Variants in NUP210L observed in about 807,000 individuals in gnomAD.
The protein encoded by NUP210L is nuclear pore membrane glycoprotein 210-like.
A neutral mutation model predicts 208.5 loss-of-function variants in NUP210L; 74 were observed. The ratio of observed to expected loss-of-function variants is 0.35; its 90% CI spans 0.29 to 0.43. The LOEUF (loss-of-function observed/expected upper bound fraction) is 0.43, where lower values mean the gene tolerates loss of function less well. Among genes scored for constraint, NUP210L ranks in the 20% least tolerant of loss-of-function variants. The probability of loss-of-function intolerance (pLI) is 1.00; values close to 1 mark genes in which losing one functional copy is unlikely to be tolerated. For synonymous variants in NUP210L, 780 were observed against 816.9 expected (o/e 0.95, Z 0.77); for missense variants, 1,843 against 2,289.4 (o/e 0.81, Z 3.98).
intron 16 of NUP210L, chr1:154,080,019 G>GA (rs750004671): frequency 1.3e-5 from 2 of 152,100 alleles, no homozygotes; most frequent in Non-Finnish European, 2.9e-5. Flanking sequence ...TATAGTAAAA[G>GA]AAAAAATAAA....
At chr1:154,072,104 T>C (rs1571237919) in intron 16 of NUP210L, among the ~76,000 whole-genome samples, 1 of 151,976 alleles carries the variant, frequency 6.6e-6, no homozygotes, top group East Asian at 1.9e-4. Flanking sequence ...GCAAGTATCT[T>C]TTTCATATAA....
At chr1:154,104,285 C>A in intron 12 of NUP210L, 75 bp from the exon 13 acceptor site, 1 of 1,121,356 alleles carries the variant, frequency 8.9e-7, no homozygotes, top group Non-Finnish European at 1.3e-6. Context: ...GCAAGATGGC[C>A]AAATAGAACC....
intron 15 of NUP210L, among the ~76,000 whole-genome samples, chr1:154,092,233 G>T (rs975937829): frequency 1.4e-5 from 2 of 147,122 alleles, no homozygotes; most frequent in African/African-American, 5.0e-5. Flanking sequence ...GCGCCACCAC[G>T]CCTGGCTAAT....
At chr1:154,139,708 G>T in intron 5 of NUP210L, 94 bp downstream of exon 5, 2 of 878,352 alleles carry the variant, frequency 2.3e-6, no homozygotes, top group Non-Finnish European at 1.8e-6. Flanking sequence ...AAAAAACAGG[G>T]CGGGTAGTGC....
At chr1:154,035,267 C>G (rs944647474) in intron 27 of NUP210L, among the ~76,000 whole-genome samples, 4 of 151,916 alleles carry the variant, frequency 2.6e-5, no homozygotes, top group Non-Finnish European at 5.9e-5. Context: ...CTTTTGTATT[C>G]TTTTTCATTT....
chr1:154,070,732 T>C (rs1654668870), intron 16 of NUP210L, among the ~76,000 whole-genome samples: 1 of 152,180 alleles, frequency 6.6e-6, no homozygotes, highest in South Asian at 2.1e-4. Flanking sequence ...GTTATTTTGT[T>C]TTGTTGATGT....
In NUP210L at chr1:154,046,387, G is replaced by A. The variant is rs1378376491; in HGVS notation, c.3484-18C>T. On this transcript the variant is annotated intron_variant, in intron 25 of 39. Coordinates refer to ENST00000368559, the Ensembl canonical transcript of NUP210L. ...ACTTCATCCTGCTCAACAGGGTGGA[G>A]AGCAAGCTTAGGCTAAGAGGGAGTT... is the stretch of plus-strand genomic sequence containing the variant. 3.1e-6 allele frequency: 5 copies of A among 1,608,566 alleles called. No individual in the cohort carries two copies. The highest frequency in any genetic ancestry group is 4.3e-6 in the Non-Finnish European group (5 of 1,175,424).
intron 16 of NUP210L, among the ~76,000 whole-genome samples, chr1:154,081,081 G>A (rs1443325543): frequency 1.3e-5 from 2 of 151,720 alleles, no homozygotes; most frequent in African/African-American, 2.4e-5. Context: ...TAGCAAAATG[G>A]CAGACATAAT....
chr1:154,022,232 C>A (rs779842155), exon 32 of NUP210L: 2 of 1,614,124 alleles, frequency 1.2e-6, no homozygotes, highest in Non-Finnish European at 1.7e-6. Context: ...TATAATCTGC[C>A]ATGCCTGGAT....
rs776326323 is a variant in NUP210L at position 153,995,057 on chromosome 1, T to C, written c.5491+19A>G. On this transcript the variant is annotated intron_variant, in intron 38 of 39. Transcript: ENST00000368559. ...AGTTTTCATGTCAAAGTCTATGTTATTGAATATAAGGACTCTACCTAGGAA... is the reference window on the plus strand; with the variant it reads ...AGTTTTCATGTCAAAGTCTATGTTACTGAATATAAGGACTCTACCTAGGAA... 55 of 1,482,944 alleles carry C rather than the reference T, an allele frequency of 3.7e-5. No homozygotes were observed. The highest frequency in any genetic ancestry group is 1.3e-4 in the South Asian group (11 of 83,762). The allele number at this position is 1,482,944 out of a possible 1,614,324, so 91.9% of individuals were successfully genotyped here.
intron 27 of NUP210L, among the ~76,000 whole-genome samples, chr1:154,035,985 G>A (rs924292611): frequency 2.0e-5 from 3 of 150,082 alleles, no homozygotes; most frequent in Non-Finnish European, 3.0e-5. Context: ...CACCGGCCTC[G>A]GCCTCCCAAA....
At chr1:154,063,739 A>G (rs1310459318) in intron 17 of NUP210L, among the ~76,000 whole-genome samples, 1 of 152,140 alleles carries the variant, frequency 6.6e-6, no homozygotes, top group East Asian at 1.9e-4. Context: ...AAAAGTGTAT[A>G]AAGTAGTTAG....
At chr1:154,078,303 C>CAA (rs377457949) in intron 16 of NUP210L, among the ~76,000 whole-genome samples, 1 of 147,468 alleles carries the variant, frequency 6.8e-6, no homozygotes, top group African/African-American at 2.5e-5. Context: ...ATCCTATCTC[C>CAA]AAAAAAAAAG....
intron 11 of NUP210L, 70 bp downstream of exon 11, chr1:154,118,601 C>A: frequency 1.8e-6 from 2 of 1,127,368 alleles, no homozygotes; most frequent in South Asian, 5.7e-5. Flanking sequence ...TAACATTAAT[C>A]AAATTTCAAT....
intron 4 of NUP210L, 147 bp from the exon 5 acceptor site, chr1:154,140,099 C>G: frequency 6.3e-6 from 4 of 636,034 alleles, no homozygotes. Context: ...GCCTGTAATC[C>G]TAGCACTTTG....
chr1:154,143,342 TTCTAA>T, intron 3 of NUP210L, 99 bp downstream of exon 3: 1 of 883,390 alleles, frequency 1.1e-6, no homozygotes, highest in Non-Finnish European at 1.8e-6. Context: ...TAGATATTAC[TTCTAA>T]TCTACTTTTG....
chr1:154,026,150 G>T (rs375903661), intron 29 of NUP210L, among the ~76,000 whole-genome samples: 1 of 151,900 alleles, frequency 6.6e-6, no homozygotes, highest in South Asian at 2.1e-4. Context: ...CAGGAGAATG[G>T]CTTGAACCTG....
At chr1:154,005,080 T>TG (rs1650440416) in intron 35 of NUP210L, among the ~76,000 whole-genome samples, 1 of 151,008 alleles carries the variant, frequency 6.6e-6, no homozygotes, top group Non-Finnish European at 1.5e-5. Flanking sequence ...TCTCAACTCC[T>TG]GACCTTGTGA....
At chr1:154,101,292 A>G (rs1161232264) in intron 13 of NUP210L, among the ~76,000 whole-genome samples, 3 of 152,004 alleles carry the variant, frequency 2.0e-5, no homozygotes, top group African/African-American at 7.2e-5. Context: ...CCTGGCCAAT[A>G]TGGTGAAACC....
Sources: allele counts gnomAD v4.1 joint callset (sites outside exome capture counted in the v4.1 genomes callset), GRCh38; gene constraint gnomAD v4.1.1; transcripts MANE v1.5; gene names NCBI Gene and HGNC (gene_info 2026-07-23, HGNC 2026-07-21).